Variants in STK39 observed in about 807,000 individuals in gnomAD.
STK39 encodes the protein STE20/SPS1-related proline-alanine-rich protein kinase.
Under a neutral mutation model 77.8 loss-of-function variants are expected in STK39, and 20 were observed. The ratio of observed to expected loss-of-function variants is 0.26; its 90% CI spans 0.18 to 0.37. STK39 has a LOEUF of 0.37. Among genes scored for constraint, STK39 ranks in the 10% least tolerant of loss-of-function variants. The pLI, the probability that STK39 is intolerant of heterozygous loss-of-function variation, is 1.00. For missense variants in STK39, 479 were observed against 656.5 expected (o/e 0.73, Z 2.95); for synonymous variants, 246 against 234.1 (o/e 1.05, Z -0.47).
chr2:168,062,650 C>A (rs1480524630), intron 14 of STK39, among the ~76,000 whole-genome samples: 3 of 152,198 alleles, frequency 2.0e-5, no homozygotes, highest in Non-Finnish European at 4.4e-5. Flanking sequence ...GTAGCTACAA[C>A]TCTGAAAATC....
intron 10 of STK39, among the ~76,000 whole-genome samples, chr2:168,122,240 GT>G (rs1288225402): frequency 6.6e-6 from 1 of 152,048 alleles, no homozygotes; most frequent in Admixed American, 6.6e-5. Flanking sequence ...TTGTGTCCAT[GT>G]TTACTCAGTG....
At chr2:168,138,255 A>G (rs746686001) in intron 7 of STK39, 34 bp from the exon 8 acceptor site, 1 of 1,589,376 alleles carries the variant, frequency 6.3e-7, no homozygotes, top group East Asian at 2.3e-5. Flanking sequence ...ACAGAATCTC[A>G]GTATAGCAAT....
intron 16 of STK39, among the ~76,000 whole-genome samples, chr2:168,006,643 T>C (rs1226130406): frequency 6.6e-6 from 1 of 152,212 alleles, no homozygotes; most frequent in African/African-American, 2.4e-5. Context: ...AATTTATGCA[T>C]GCATGTCCTC....
intron 8 of STK39, among the ~76,000 whole-genome samples, chr2:168,130,342 C>T (rs1331806312): frequency 6.6e-6 from 1 of 152,212 alleles, no homozygotes; most frequent in Admixed American, 6.5e-5. Context: ...ATTATTTCCT[C>T]ATGGTGTCAT....
At chr2:168,056,230 T>C (rs1685522578) in intron 14 of STK39, among the ~76,000 whole-genome samples, 1 of 151,952 alleles carries the variant, frequency 6.6e-6, no homozygotes, top group South Asian at 2.1e-4. Context: ...AGTGGAGAAA[T>C]ACACTACCTG....
At chr2:167,956,726 TCTCC>T (rs1691791822) in intron 17 of STK39, among the ~76,000 whole-genome samples, 1 of 47,798 alleles carries the variant, frequency 2.1e-5, no homozygotes, top group East Asian at 3.4e-4. Flanking sequence ...TCTCTCTCTC[TCTCC>T]CCCCCCGCCC....
chr2:168,039,741 G>A (rs1049304963), intron 14 of STK39, among the ~76,000 whole-genome samples: 10 of 152,076 alleles, frequency 6.6e-5, no homozygotes, highest in African/African-American at 1.9e-4. Flanking sequence ...ATAGCTTCAC[G>A]GGTGTACACA....
rs114725803 is a variant in STK39, at chr2:168,043,113, C to A, written c.1376+20387G>T. The stretch of plus-strand genomic sequence containing the variant: ...CGCCCAACTTTACCCAGTCAATCTT[C>A]AACTACCTGACTGACGGCTATGAAT... On this transcript the variant is annotated intron_variant, in intron 14 of 17. Transcript: ENST00000355999. Among the ~76,000 whole-genome samples the A allele has an allele frequency of 8.7e-3, 1,322 of 152,282 alleles. 18 individuals carry two copies. Among genetic ancestry groups the A allele is most frequent in the African/African-American group, 0.03 (1,263 of 41,554 alleles).
In STK39 at chr2:168,233,226, A is replaced by G. The variant is rs1690506627; in HGVS notation, c.208+14002T>C. Among the ~76,000 whole-genome samples the G allele has an allele frequency of 2.6e-5, 4 of 152,224 alleles. No homozygotes were observed. The South Asian group carries it at 8.3e-4, about 32-fold the overall frequency. ...TCCTCAGGAAAGGTGCCACATTAAA[A>G]ATGTTTCCACAACAACTTGTGTTTA... On this transcript the variant is annotated intron_variant, in intron 1 of 17. Coordinates refer to ENST00000355999, the MANE Select transcript of STK39 (RefSeq NM_013233.3).
intron 16 of STK39, among the ~76,000 whole-genome samples, chr2:167,969,729 C>T (rs752524481): frequency 3.9e-5 from 6 of 152,220 alleles, no homozygotes; most frequent in Non-Finnish European, 8.8e-5. Context: ...CCACTAGACT[C>T]GTCCAGTAGC....
At chr2:168,194,168 C>A (rs2105658231) in intron 1 of STK39, among the ~76,000 whole-genome samples, 1 of 152,312 alleles carries the variant, frequency 6.6e-6, no homozygotes, top group South Asian at 2.1e-4. Flanking sequence ...AATCCCAGCA[C>A]TTTGGGAGGC....
At chr2:168,241,893 C>G (rs945291915) in intron 1 of STK39, among the ~76,000 whole-genome samples, 8 of 152,222 alleles carry the variant, frequency 5.3e-5, no homozygotes, top group African/African-American at 1.9e-4. Flanking sequence ...GCAGACACAT[C>G]TAAGTCATTT....
intron 12 of STK39, among the ~76,000 whole-genome samples, chr2:168,070,104 T>C (rs574997502): frequency 3.0e-4 from 46 of 152,122 alleles, no homozygotes; most frequent in Non-Finnish European, 5.7e-4. Flanking sequence ...AGTTGAAAAG[T>C]TTTATATAAC....
intron 1 of STK39, among the ~76,000 whole-genome samples, chr2:168,245,181 G>C (rs989051895): frequency 1.3e-5 from 2 of 152,174 alleles, no homozygotes; most frequent in African/African-American, 2.4e-5. Context: ...GGCAACAGTG[G>C]AAATAATTAA....
In STK39 at chr2:168,199,140, C is replaced by T. The variant is rs541699608; in HGVS notation, c.209-17050G>A. Reference sequence around the variant, plus strand: ...AAAGAAAAATCCTATATTCCTTATACCCTGATACTTAGGGGGTTACACCAT... The same window carrying T: ...AAAGAAAAATCCTATATTCCTTATATCCTGATACTTAGGGGGTTACACCAT... On this transcript the variant is annotated intron_variant, in intron 1 of 17. Transcript: ENST00000355999. Among the ~76,000 whole-genome samples, 58 of 152,298 alleles carry T rather than the reference C, an allele frequency of 3.8e-4. No individual in the cohort carries two copies. In the South Asian group the frequency reaches 0.012, roughly 30 times the overall value.
intron 10 of STK39, 28 bp downstream of exon 10, chr2:168,129,513 C>T (rs1462218123): frequency 6.2e-7 from 1 of 1,613,428 alleles, no homozygotes; most frequent in East Asian, 2.2e-5. Context: ...TTGGTTCCTA[C>T]AGGGTCATGA....
At chr2:167,966,611 G>A (rs1479175030) in intron 16 of STK39, among the ~76,000 whole-genome samples, 1 of 152,086 alleles carries the variant, frequency 6.6e-6, no homozygotes, top group Non-Finnish European at 1.5e-5. Context: ...TCTCTCCGGT[G>A]TACACGTATA....
At chr2:167,971,438 G>T (rs1324705795) in intron 16 of STK39, among the ~76,000 whole-genome samples, 1 of 152,006 alleles carries the variant, frequency 6.6e-6, no homozygotes, top group Non-Finnish European at 1.5e-5. Context: ...CTACCCCTTT[G>T]TTTCATTTTT....
intron 16 of STK39, among the ~76,000 whole-genome samples, chr2:168,009,259 A>G (rs887239824): frequency 6.6e-6 from 1 of 152,144 alleles, no homozygotes; most frequent in South Asian, 2.1e-4. Flanking sequence ...TATCTAGTAA[A>G]GAGGGAAATA....
Sources: allele counts gnomAD v4.1 joint callset (sites outside exome capture counted in the v4.1 genomes callset), GRCh38; gene constraint gnomAD v4.1.1; transcripts MANE v1.5; gene names NCBI Gene and HGNC (gene_info 2026-07-23, HGNC 2026-07-21).